DST: variants seen among roughly 807,000 people sequenced by gnomAD.
DST encodes bullous pemphigoid antigen.
DST carries 253 observed loss-of-function variants against 875.2 expected under a neutral mutation model. That is an observed-to-expected ratio of 0.29 (90% CI 0.26 to 0.32). The LOEUF is 0.32. Ranked by LOEUF, DST falls within the 10% of genes least tolerant of loss-of-function variation. DST has a pLI of 1.00. For missense variants in DST, 8,287 were observed against 9,111.6 expected (o/e 0.91, Z 3.68); for synonymous variants, 3,124 against 3,197.1 (o/e 0.98, Z 0.77).
intron 30 of DST, 44 bp downstream of exon 30, chr6:56,631,167 G>C (rs775277462): frequency 2.0e-6 from 2 of 1,019,146 alleles, no homozygotes; most frequent in Non-Finnish European, 2.8e-6. Flanking sequence ...ATAAAAATGA[G>C]AGTTGTATGA....
At chr6:56,791,192 G>A (rs2099722118) in intron 4 of DST, among the ~76,000 whole-genome samples, 1 of 152,146 alleles carries the variant, frequency 6.6e-6, no homozygotes, top group Admixed American at 6.5e-5. Context: ...AAATAAGACT[G>A]GTAAGGCAGT....
In DST at chr6:56,463,063, G is replaced by A. The variant is rs768427385; in HGVS notation, c.23053C>T (p.Pro7685Ser). 6.8e-6 allele frequency: 11 copies of A among 1,611,344 alleles called. No individual in the cohort carries two copies. Among genetic ancestry groups the A allele is most frequent in the Non-Finnish European group, 8.5e-6 (10 of 1,178,006 alleles). The change falls in exon 102 of 104, where the codon CCC (proline) becomes TCC (serine). Residue 7685 changes from proline to serine, a missense_variant. Physicochemically the swap from Pro to Ser is moderately conservative, Grantham distance 74 (BLOSUM62 -1). Around this residue, in one of 10 missense-constraint regions of DST, gnomAD observed 240 missense variants for 237.3 expected, o/e 1.01. Transcript: ENST00000680361. ...TACAATACCTCTGCAGATGGCACGG[G>A]AAAGTCTGAGCACTCTGCTGCTTTA... ...PCKAAECSDF[P>S]VPSAEGTPIQ...
At chr6:56,482,274 G>GAAA (rs59837501) in intron 89 of DST, 96 bp from the exon 90 acceptor site, 310 of 1,079,474 alleles carry the variant, frequency 2.9e-4, no homozygotes, top group Non-Finnish European at 3.5e-4. Flanking sequence ...TCCCTTCAAT[G>GAAA]AAAAAAAAAA....
At chr6:56,636,738 C>G (rs1257084783) in intron 22 of DST, 86 bp from the exon 23 acceptor site, 1 of 1,069,326 alleles carries the variant, frequency 9.4e-7, no homozygotes, top group Non-Finnish European at 1.4e-6. Context: ...TAAATGCTAA[C>G]TCTACTATCT....
At chr6:56,512,456 G>T (rs986536733) in intron 72 of DST, among the ~76,000 whole-genome samples, 1 of 152,190 alleles carries the variant, frequency 6.6e-6, no homozygotes, top group African/African-American at 2.4e-5. Flanking sequence ...CCTCTGTGCA[G>T]CATTGAGGGG....
chr6:56,533,994 G>A (rs112615747), intron 63 of DST, among the ~76,000 whole-genome samples: 8,029 of 152,016 alleles, frequency 0.053, 302 homozygotes, highest in African/African-American at 0.1. Flanking sequence ...ATGCTTTGAT[G>A]TATGTATACA....
intron 4 of DST, among the ~76,000 whole-genome samples, chr6:56,842,830 C>G (rs1250824796): frequency 6.6e-6 from 1 of 152,158 alleles, no homozygotes; most frequent in Non-Finnish European, 1.5e-5. Flanking sequence ...CCCTTCCCCC[C>G]TCTCTACCGC....
intron 4 of DST, among the ~76,000 whole-genome samples, chr6:56,763,178 T>C (rs1185071328): frequency 1.3e-5 from 2 of 152,118 alleles, no homozygotes; most frequent in African/African-American, 4.8e-5. Flanking sequence ...GAAAGCATTT[T>C]CTCCTTGTTT....
At chr6:56,921,249 T>A (rs536622595) in intron 2 of DST, among the ~76,000 whole-genome samples, 38 of 152,282 alleles carry the variant, frequency 2.5e-4, no homozygotes, top group Admixed American at 1.0e-3. Flanking sequence ...TTTTGCAGAT[T>A]TTAAAATCTG....
chr6:56,583,230 T>A (rs1228516779), intron 49 of DST, among the ~76,000 whole-genome samples: 1 of 152,212 alleles, frequency 6.6e-6, no homozygotes, highest in South Asian at 2.1e-4. Flanking sequence ...AAAGTGTTCC[T>A]ATTTCTCCAC....
chr6:56,702,063 G>T (rs2099310750), intron 7 of DST, 98 bp from the exon 8 acceptor site: 1 of 707,106 alleles, frequency 1.4e-6, no homozygotes, highest in South Asian at 2.0e-5. Context: ...TATCAAAACA[G>T]TATTTACCGT....
Position 56,900,157 on chromosome 6 carries a change from C to T in DST, c.417+264G>A, listed in dbSNP as rs575386421. Reference sequence around the variant, plus strand: ...CATCCTCATTCTAGAACTCCAGCTTCAGCAGGGCTGGGAGTTCACCAGCTT... The same window carrying T: ...CATCCTCATTCTAGAACTCCAGCTTTAGCAGGGCTGGGAGTTCACCAGCTT... On this transcript the variant is annotated intron_variant, in intron 3 of 103. Transcript: ENST00000680361. Among the ~76,000 whole-genome samples, 3 of 152,340 alleles carry T rather than the reference C, an allele frequency of 2.0e-5. No homozygotes were observed. In the South Asian group the frequency reaches 6.2e-4, roughly 32 times the overall value.
At position 56,606,551 on chromosome 6, in the gene DST, T is replaced by C; in HGVS notation, c.8077A>G (p.Met2693Val). Residue 2693 changes from methionine to valine, a missense_variant, in exon 40 of 104, where the codon ATG becomes GTG. Around this residue, in one of 10 missense-constraint regions of DST, gnomAD observed 3,138 missense variants for 3,116.6 expected, o/e 1.01. Transcript: ENST00000680361. Reference protein sequence around the residue: ...NKAHCLQDFLMDVEKDELDSG... With the variant: ...NKAHCLQDFLVDVEKDELDSG... ...TCTAATTCATCTTTCTCAACATCCA[T>C]AAGGAAATCCTGAAGACAATGTGCT... is the stretch of plus-strand genomic sequence containing the variant. 6.2e-7 allele frequency: 1 copy of C among 1,613,512 alleles called. No homozygotes were observed. The highest frequency in any genetic ancestry group is 1.1e-5 in the South Asian group (1 of 91,074).
rs2099416378 is a variant in DST, at chr6:56,721,479, G to A, written c.687+13749C>T. 1.3e-5 allele frequency among the ~76,000 whole-genome samples: 2 copies of A among 152,142 alleles called. 1 individual carries two copies. Among genetic ancestry groups the A allele is most frequent in the South Asian group, 4.1e-4 (2 of 4,828 alleles). Reference sequence around the variant, plus strand: ...GAGATTGCAGTAAAGACAGGCATAGGAAATTATAAAAGTATTAATTTGGGG... The same window carrying A: ...GAGATTGCAGTAAAGACAGGCATAGAAAATTATAAAAGTATTAATTTGGGG... On this transcript the variant is annotated intron_variant, in intron 5 of 103. Coordinates refer to ENST00000680361, the MANE Select transcript of DST (RefSeq NM_001374736.1).
chr6:56,806,426 C>T (rs889853658), intron 4 of DST, among the ~76,000 whole-genome samples: 16 of 152,128 alleles, frequency 1.1e-4, no homozygotes, highest in Non-Finnish European at 2.2e-4. Context: ...ATTGGAAAAT[C>T]AAAGGAAGAC....
chr6:56,699,581 A>C lies in DST; in HGVS notation c.1047+72T>G, dbSNP rs1465005131. The C allele has an allele frequency of 1.9e-5, 13 of 684,006 alleles. No homozygotes were observed. In the East Asian group the frequency reaches 3.9e-4, roughly 20 times the overall value. The allele number at this position is 684,006 out of a possible 1,614,324, so 42.4% of individuals were successfully genotyped here. On this transcript the variant is annotated intron_variant, in intron 9 of 103. Transcript: ENST00000680361. The stretch of plus-strand genomic sequence containing the variant: ...TTTTTCTTCCATAGAACATGAATGC[A>C]TCATTCACCCTTCATAGGAACCACC...
At chr6:56,851,995 T>A in intron 3 of DST, 1 of 1,444,016 alleles carries the variant, frequency 6.9e-7, no homozygotes, top group Non-Finnish European at 9.1e-7. Context: ...ATATTTTCCA[T>A]TACTAGCCTG....
At chr6:56,827,241 C>A (rs1230478711) in intron 4 of DST, among the ~76,000 whole-genome samples, 1 of 152,066 alleles carries the variant, frequency 6.6e-6, no homozygotes, top group African/African-American at 2.4e-5. Context: ...CAGGGCCGGG[C>A]GCGGTGGCTC....
At chr6:56,632,200 A>G (rs1169249940) in intron 28 of DST, among the ~76,000 whole-genome samples, 160 bp from the exon 29 acceptor site, 2 of 152,216 alleles carry the variant, frequency 1.3e-5, no homozygotes, top group Admixed American at 6.5e-5. Context: ...AAATCTTAAA[A>G]CATAAATCTT....
Sources: allele counts gnomAD v4.1 joint callset (sites outside exome capture counted in the v4.1 genomes callset), GRCh38; gene constraint gnomAD v4.1.1; regional missense constraint gnomAD v4.1.1; transcripts MANE v1.5; gene names NCBI Gene and HGNC (gene_info 2026-07-23, HGNC 2026-07-21).